Variants in TENM4 observed in about 807,000 individuals in gnomAD.
TENM4 encodes teneurin transmembrane protein 4.
TENM4 carries 82 observed loss-of-function variants against 243.3 expected under a neutral mutation model. The ratio of observed to expected loss-of-function variants is 0.34; its 90% confidence interval spans 0.28 to 0.40. TENM4 has a LOEUF of 0.40. Ranked by LOEUF, TENM4 falls within the 10% of genes least tolerant of loss-of-function variation. The pLI is 1.00. For synonymous variants in TENM4, 1,412 were observed against 1,456.3 expected (o/e 0.97, Z 0.69); for missense variants, 3,138 against 3,673.3 (o/e 0.85, Z 3.77).
At chr11:78,923,092 C>T (rs942193799) in intron 6 of TENM4, among the ~76,000 whole-genome samples, 3 of 152,106 alleles carry the variant, frequency 2.0e-5, no homozygotes, top group African/African-American at 7.2e-5. Context: ...GGAGGCAGAG[C>T]AGTGAACACT....
rs754606983 is a variant in TENM4 at position 78,708,415 on chromosome 11, A to C, written c.4155T>G (p.Asn1385Lys). The C allele has an allele frequency of 6.2e-7, 1 of 1,614,066 alleles. No homozygotes were observed. Among genetic ancestry groups the C allele is most frequent in the Non-Finnish European group, 8.5e-7 (1 of 1,179,902 alleles). Residue 1385 changes from asparagine to lysine, a missense_variant, in exon 27 of 34, where the codon AAT becomes AAG. By Grantham distance (94) the Asn-to-Lys change is moderately conservative. This residue lies in a region of TENM4 where 2,467 missense variants were observed against 3,059.1 expected (regional missense o/e 0.81). Transcript: ENST00000278550. ...NGIISTLLGS[N>K]DLTSARPLSC... ...TGAGTGGCCGGGCTGATGTGAGATC[A>C]TTAGAGCCGAGCAGGGTGGAGATGA...
chr11:79,400,147 CCTCCAGGATTATTT>C (rs1202771977), intron 1 of TENM4, among the ~76,000 whole-genome samples: 3 of 107,052 alleles, frequency 2.8e-5, no homozygotes, highest in African/African-American at 9.5e-5. Flanking sequence ...ACACACACAC[CCTCCAGGATTATTT>C]CTCCAAGTCT....
intron 1 of TENM4, among the ~76,000 whole-genome samples, chr11:79,427,451 A>G (rs891708767): frequency 6.6e-6 from 1 of 152,202 alleles, no homozygotes; most frequent in Admixed American, 6.5e-5. Context: ...GGAAAAATTA[A>G]TGGAACGGGG....
chr11:79,277,319 G>A (rs770599251), intron 2 of TENM4, among the ~76,000 whole-genome samples: 23 of 152,144 alleles, frequency 1.5e-4, no homozygotes, highest in Non-Finnish European at 2.5e-4. Context: ...AGTTGTTGAC[G>A]ATTTACTCTG....
chr11:78,893,374 AG>A (rs1370447633), intron 7 of TENM4, among the ~76,000 whole-genome samples: 2 of 152,226 alleles, frequency 1.3e-5, no homozygotes, highest in African/African-American at 4.8e-5. Flanking sequence ...CATCCACAGA[AG>A]GGGATAATTG....
At chr11:78,742,609 G>A (rs975095456) in intron 19 of TENM4, among the ~76,000 whole-genome samples, 2 of 152,186 alleles carry the variant, frequency 1.3e-5, no homozygotes, top group Non-Finnish European at 2.9e-5. Flanking sequence ...AGTTAGGCTA[G>A]GTGAACTCTG....
rs1373645653 is a variant in TENM4 at position 78,654,585 on chromosome 11, T to G, written c.*3473A>C. The G allele has an allele frequency of 1.3e-5, 2 of 152,222 alleles. No individual in the cohort carries two copies. Among genetic ancestry groups the G allele is most frequent in the African/African-American group, 4.8e-5 (2 of 41,442 alleles). The allele number at this position is 152,222 out of a possible 1,614,324, so 9.4% of individuals were successfully genotyped here. On this transcript the variant is annotated 3_prime_UTR_variant, in exon 34 of 34. Transcript: ENST00000278550. ...ATCTTCTGTGCCCCCTCCTGGTTAT[T>G]TGGACACACACCTCCTGGCCATTCT... is the stretch of plus-strand genomic sequence containing the variant.
intron 6 of TENM4, among the ~76,000 whole-genome samples, chr11:78,934,155 C>A (rs963047425): frequency 6.6e-6 from 1 of 152,144 alleles, no homozygotes; most frequent in African/African-American, 2.4e-5. Flanking sequence ...CTGGGGAGAT[C>A]CTGCAGAAAG....
At chr11:79,422,747 A>G (rs549898561) in intron 1 of TENM4, among the ~76,000 whole-genome samples, 52 of 152,264 alleles carry the variant, frequency 3.4e-4, no homozygotes, top group African/African-American at 1.1e-3. Context: ...CTGGTAGAAC[A>G]GAGGGAGGGA....
chr11:78,908,987 C>T (rs995811676), intron 6 of TENM4, among the ~76,000 whole-genome samples: 5 of 152,224 alleles, frequency 3.3e-5, no homozygotes, highest in Admixed American at 6.5e-5. Flanking sequence ...TCGGGGATCT[C>T]ACAGACCTAG....
chr11:79,083,024 T>C (rs1860713455), intron 4 of TENM4, among the ~76,000 whole-genome samples: 1 of 151,720 alleles, frequency 6.6e-6, no homozygotes, highest in African/African-American at 2.4e-5. Flanking sequence ...TGGAGCTAAT[T>C]GTGCCCAGAG....
chr11:79,307,069 C>T (rs1856637879), intron 1 of TENM4, among the ~76,000 whole-genome samples: 1 of 152,166 alleles, frequency 6.6e-6, no homozygotes, highest in Non-Finnish European at 1.5e-5. Context: ...CACCTGTGCT[C>T]ACTGATGACT....
chr11:78,951,658 G>GGA (rs1295563124), intron 6 of TENM4, among the ~76,000 whole-genome samples: 20 of 152,186 alleles, frequency 1.3e-4, no homozygotes, highest in Admixed American at 1.3e-3. Flanking sequence ...CTCACATGGA[G>GGA]GAGAGAGAGC....
At chr11:78,738,413 G>C in intron 20 of TENM4, 38 bp downstream of exon 20, 1 of 1,599,948 alleles carries the variant, frequency 6.3e-7, no homozygotes, top group Non-Finnish European at 8.5e-7. Context: ...CACAAGAGCG[G>C]GACCTTCACT....
chr11:79,051,890 G>C (rs1490741834), intron 6 of TENM4, among the ~76,000 whole-genome samples: 1 of 152,160 alleles, frequency 6.6e-6, no homozygotes, highest in Non-Finnish European at 1.5e-5. Flanking sequence ...TTCCATTTCT[G>C]CGTTAGTTTG....
At chr11:79,147,156 C>G in intron 4 of TENM4, among the ~76,000 whole-genome samples, 1 of 152,084 alleles carries the variant, frequency 6.6e-6, no homozygotes, top group East Asian at 1.9e-4. Flanking sequence ...TTGATACAGT[C>G]CATAATACAT....
intron 6 of TENM4, among the ~76,000 whole-genome samples, chr11:78,918,622 G>T (rs543162778): frequency 4.6e-5 from 7 of 152,032 alleles, no homozygotes; most frequent in Non-Finnish European, 1.5e-5. Context: ...AATGTCTCTT[G>T]ACAATGTAAG....
At chr11:78,810,455 A>G (rs1245893017) in intron 14 of TENM4, among the ~76,000 whole-genome samples, 1 of 152,220 alleles carries the variant, frequency 6.6e-6, no homozygotes, top group Non-Finnish European at 1.5e-5. Context: ...CACAGTTTCA[A>G]GAGGAATCTC....
intron 4 of TENM4, among the ~76,000 whole-genome samples, chr11:79,108,371 C>G (rs1056997365): frequency 2.0e-5 from 3 of 152,308 alleles, no homozygotes; most frequent in South Asian, 4.1e-4. Flanking sequence ...AGCATCAACT[C>G]CCGCCTGAAT....
Sources: gnomAD v4.1 joint callset for allele counts (sites outside exome capture counted in the v4.1 genomes callset) on GRCh38, gnomAD v4.1.1 for gene constraint, gnomAD v4.1.1 regional missense constraint, MANE v1.5 for transcripts, NCBI Gene and HGNC (gene_info 2026-07-23, HGNC 2026-07-21) for gene names.